The following PAK1 variants were observed in gnomAD, a reference collection of about 807,000 sequenced individuals.
PAK1 encodes the protein p21 (RAC1) activated kinase 1.
In PAK1, 29 loss-of-function variants were observed where a neutral mutation model predicts 67.4. The ratio of observed to expected loss-of-function variants is 0.43; its 90% CI spans 0.32 to 0.59. PAK1 has a LOEUF of 0.59. Ranked by LOEUF, PAK1 falls within the 20% of genes least tolerant of loss-of-function variation. The pLI is 0.07. For missense variants in PAK1, 337 were observed against 670.7 expected, an observed-to-expected ratio of 0.50 and a Z score of 5.50; for synonymous variants, 223 against 237.4, an observed-to-expected ratio of 0.94 and a Z score of 0.56.
At chr11:77,519,959 C>T in the PAK1 span, among the ~76,000 whole-genome samples, 1 of 152,192 alleles carries the variant, frequency 6.6e-6, no homozygotes, top group South Asian at 2.1e-4. Flanking sequence ...AATCCCAGGC[C>T]ACCACACAGG....
rs562542648 is a variant in PAK1, at chr11:77,431,602, T to A, written c.-21-39061A>T. Reference sequence around the variant, plus strand: ...TCATCTCTCTGAGATGAGAGTGCAGTTAAGGCCAACGAAGAAAGAAGTAAA... The same window carrying A: ...TCATCTCTCTGAGATGAGAGTGCAGATAAGGCCAACGAAGAAAGAAGTAAA... On this transcript the variant is annotated intron_variant, in intron 1 of 14. Transcript: ENST00000356341. Among the ~76,000 whole-genome samples, 98 of 152,252 alleles carry A rather than the reference T, an allele frequency of 6.4e-4. 1 individual carries two copies. Among genetic ancestry groups the A allele is most frequent in the Admixed American group, 3.0e-3 (46 of 15,306 alleles).
intron 13 of PAK1, among the ~76,000 whole-genome samples, chr11:77,334,628 C>T (rs1327487367): frequency 6.6e-6 from 1 of 152,210 alleles, no homozygotes; most frequent in Non-Finnish European, 1.5e-5. Context: ...TACTTCAGTA[C>T]TTGATCGAAC....
In PAK1 at chr11:77,340,760, G is replaced by A; in HGVS notation, c.1002C>T (p.Tyr334=). 1.3e-6 allele frequency: 2 copies of A among 1,517,422 alleles called. No individual in the cohort carries two copies. Among genetic ancestry groups the A allele is most frequent in the Non-Finnish European group, 9.2e-7 (1 of 1,091,858 alleles). The allele number at this position is 1,517,422 out of a possible 1,614,324, so 94.0% of individuals were successfully genotyped here. ...NPNIVNYLDS[Y]LVGDELWVVM... ...CAACCCACAGCTCATCTCCCACGAGGTAACTGCAGGAATACAGATAAAGGG... is the reference window on the plus strand; with the variant it reads ...CAACCCACAGCTCATCTCCCACGAGATAACTGCAGGAATACAGATAAAGGG... Residue 334 remains tyrosine, a synonymous_variant, in exon 11 of 15, where the codon TAC becomes TAT. Transcript: ENST00000356341.
intron 1 of PAK1, among the ~76,000 whole-genome samples, chr11:77,434,015 T>C (rs11237185): frequency 0.051 from 7,694 of 151,764 alleles, 730 homozygotes; most frequent in African/African-American, 0.18. Flanking sequence ...GTGGAGAAAT[T>C]AGAACTCTCA....
At chr11:77,412,675 C>G (rs2138067491) in intron 1 of PAK1, among the ~76,000 whole-genome samples, 1 of 152,292 alleles carries the variant, frequency 6.6e-6, no homozygotes, top group African/African-American at 2.4e-5. Context: ...ATCCTCTTCC[C>G]TTGGCCTCCC....
At chr11:77,503,056 G>T in the PAK1 span, among the ~76,000 whole-genome samples, 1 of 152,200 alleles carries the variant, frequency 6.6e-6, no homozygotes, top group East Asian at 1.9e-4. Flanking sequence ...TGGGAAAGCA[G>T]CTGTGAGTTA....
At chr11:77,335,886 CAAAT>C (rs1942606989) in intron 13 of PAK1, among the ~76,000 whole-genome samples, 196 bp downstream of exon 13, 1 of 152,134 alleles carries the variant, frequency 6.6e-6, no homozygotes, top group East Asian at 1.9e-4. Flanking sequence ...GACAGGGACT[CAAAT>C]AATTGTTGAA....
the PAK1 span, among the ~76,000 whole-genome samples, chr11:77,501,861 T>C: frequency 6.6e-6 from 1 of 152,134 alleles, no homozygotes; most frequent in South Asian, 2.1e-4. Flanking sequence ...CTAGATAGAG[T>C]TAAATTTTTG....
chr11:77,494,969 C>T, the PAK1 span, among the ~76,000 whole-genome samples: 4 of 151,922 alleles, frequency 2.6e-5, no homozygotes, highest in Non-Finnish European at 5.9e-5. Context: ...CGAGACCAAC[C>T]TGGCCAACAC....
chr11:77,523,382 T>C, the PAK1 span, among the ~76,000 whole-genome samples: 2 of 151,884 alleles, frequency 1.3e-5, no homozygotes, highest in African/African-American at 4.8e-5. Flanking sequence ...TGAAGCTGGA[T>C]GATGGGCACA....
At chr11:77,371,942 C>T (rs557713271) in intron 5 of PAK1, among the ~76,000 whole-genome samples, 1 of 152,286 alleles carries the variant, frequency 6.6e-6, no homozygotes, top group Non-Finnish European at 1.5e-5. Flanking sequence ...TCAATGACAT[C>T]TTTTTTTGTT....
At chr11:77,381,181 A>T (rs1239191426) in intron 2 of PAK1, among the ~76,000 whole-genome samples, 6 of 145,970 alleles carry the variant, frequency 4.1e-5, no homozygotes, top group African/African-American at 1.7e-4. Flanking sequence ...GTGTGTAGAG[A>T]GAGAGAGAGA....
chr11:77,372,908 A>G (rs1948625621), intron 5 of PAK1, among the ~76,000 whole-genome samples: 1 of 152,218 alleles, frequency 6.6e-6, no homozygotes, highest in Non-Finnish European at 1.5e-5. Context: ...CCTTTCATTC[A>G]GTAAATGTTT....
At chr11:77,365,024 G>A (rs142761170) in intron 5 of PAK1, among the ~76,000 whole-genome samples, 2,090 of 152,120 alleles carry the variant, frequency 0.014, 18 homozygotes, top group Non-Finnish European at 0.018. Context: ...CAAGGTGGGC[G>A]GATCACGAAG....
the PAK1 span, among the ~76,000 whole-genome samples, chr11:77,497,828 A>G: frequency 1.3e-5 from 2 of 152,246 alleles, no homozygotes; most frequent in East Asian, 3.8e-4. Context: ...ACAATGCTGT[A>G]TGCAAGTGTT....
At position 77,398,741 on chromosome 11, in the gene PAK1, T is replaced by TTTTG. The variant is rs1054031995; in HGVS notation, c.-21-6204_-21-6201dup. Among the ~76,000 whole-genome samples the TTTTG allele has an allele frequency of 9.2e-5, 14 of 152,296 alleles. No homozygotes were observed. The East Asian group carries it at 1.9e-3, about 21-fold the overall frequency. ...TCATACGATAGGTCTATCTTTAGTT[T>TTTTG]TTTGTTTGTTTGTTTGTTTAATCAG... On this transcript the variant is annotated intron_variant, in intron 1 of 14. Coordinates refer to ENST00000356341, the MANE Select transcript of PAK1 (RefSeq NM_002576.5).
At chr11:77,518,617 G>C in the PAK1 span, among the ~76,000 whole-genome samples, 12 of 152,158 alleles carry the variant, frequency 7.9e-5, no homozygotes, top group African/African-American at 2.9e-4. Context: ...ATGTGTGAGA[G>C]AGAAAATCAT....
At chr11:77,385,718 G>A (rs1476643994) in intron 2 of PAK1, among the ~76,000 whole-genome samples, 3 of 152,106 alleles carry the variant, frequency 2.0e-5, no homozygotes, top group Admixed American at 6.5e-5. Context: ...TTAGCCAGGC[G>A]TGGTGGCAGG....
intron 1 of PAK1, among the ~76,000 whole-genome samples, chr11:77,402,406 C>T (rs1239824249): frequency 3.3e-5 from 5 of 152,196 alleles, no homozygotes; most frequent in African/African-American, 1.2e-4. Context: ...ACTAGAGTTA[C>T]TTCCAGAAAC....
Sources: allele counts gnomAD v4.1 joint callset (sites outside exome capture counted in the v4.1 genomes callset), GRCh38; gene constraint gnomAD v4.1.1; transcripts MANE v1.5; gene names NCBI Gene and HGNC (gene_info 2026-07-23, HGNC 2026-07-21).